RPL31: variants seen among roughly 807,000 people sequenced by gnomAD.
RPL31 encodes the protein ribosomal protein L31, also known as large ribosomal subunit protein eL31.
For synonymous variants in RPL31, 51 were observed against 55.0 expected (o/e 0.93, Z 0.32); for missense variants, 95 against 164.0 (o/e 0.58, Z 2.30).
downstream of RPL31, chr2:101,008,063 C>CA: frequency 1.2e-6 from 2 of 1,613,890 alleles, no homozygotes; most frequent in Non-Finnish European, 8.5e-7. Context: ...CCAGTGTCTG[C>CA]AAAAACCGAG....
At chr2:101,010,034 G>GACCAA (rs1367299174), downstream of RPL31, among the ~76,000 whole-genome samples, 1 of 151,708 alleles carries the variant, frequency 6.6e-6, no homozygotes, top group Non-Finnish European at 1.5e-5. Context: ...CACCATGTTA[G>GACCAA]CCAGGATGGT....
chr2:101,008,015 C>G, downstream of RPL31: 5 of 1,613,998 alleles, frequency 3.1e-6, no homozygotes, highest in Non-Finnish European at 4.2e-6. Flanking sequence ...TCCCTTTCTG[C>G]CGCCTCTGGA....
chr2:101,015,149 T>C (rs1162131701), intron 4 of RPL31, among the ~76,000 whole-genome samples: 7 of 152,216 alleles, frequency 4.6e-5, no homozygotes, highest in Admixed American at 6.5e-5. Context: ...AGCATGTTAC[T>C]GTCCTGAATA....
At chr2:101,007,530 A>C, downstream of RPL31, 1 of 380,016 alleles carries the variant, frequency 2.6e-6, no homozygotes, top group Non-Finnish European at 4.8e-6. Context: ...TTCATCTGAG[A>C]GCAAAATCAA....
At chr2:101,013,626 T>A (rs1679398874) in intron 4 of RPL31, among the ~76,000 whole-genome samples, 1 of 152,252 alleles carries the variant, frequency 6.6e-6, no homozygotes, top group Admixed American at 6.5e-5. Flanking sequence ...AGGTCTCTCC[T>A]TTATAGCCTT....
chr2:101,016,080 A>C (rs945876604), intron 4 of RPL31, among the ~76,000 whole-genome samples: 4 of 152,074 alleles, frequency 2.6e-5, no homozygotes, highest in African/African-American at 7.2e-5. Context: ...AATGGGATCT[A>C]ATTAAACTAA....
At chr2:101,011,366 CAAG>C (rs1679196529), downstream of RPL31, 3 of 1,321,942 alleles carry the variant, frequency 2.3e-6, no homozygotes, top group Admixed American at 5.2e-5. Flanking sequence ...AAGGCTGCTA[CAAG>C]AAGAGGGATG....
At chr2:101,005,899 T>G in intron 3 of RPL31, 60 bp from the exon 4 acceptor site, 1 of 1,390,636 alleles carries the variant, frequency 7.2e-7, no homozygotes, top group Non-Finnish European at 1.0e-6. Context: ...TGAATACAGC[T>G]AGTGGCTGCT....
chr2:101,015,375 G>T (rs1679547828), intron 4 of RPL31, among the ~76,000 whole-genome samples: 1 of 152,184 alleles, frequency 6.6e-6, no homozygotes, highest in East Asian at 1.9e-4. Context: ...CACTGCCATA[G>T]ACTTTATAAA....
chr2:101,004,580 A>G, intron 3 of RPL31: 1 of 412,916 alleles, frequency 2.4e-6, no homozygotes, highest in Non-Finnish European at 4.3e-6. Flanking sequence ...GTAAAGTGGA[A>G]TAAATCACTG....
downstream of RPL31, among the ~76,000 whole-genome samples, chr2:101,009,861 G>A (rs13013976): frequency 6.8e-6 from 1 of 146,664 alleles, no homozygotes; most frequent in East Asian, 2.0e-4. Flanking sequence ...TCGCTCTGTC[G>A]CCCAGGCTGG....
At chr2:101,012,052 T>C (rs1679256650), downstream of RPL31, among the ~76,000 whole-genome samples, 1 of 152,234 alleles carries the variant, frequency 6.6e-6, no homozygotes, top group African/African-American at 2.4e-5. Flanking sequence ...AGCATCTTAG[T>C]ATTAGGAGTG....
intron 4 of RPL31, among the ~76,000 whole-genome samples, chr2:101,013,894 C>G (rs1679421367): frequency 6.6e-6 from 1 of 152,238 alleles, no homozygotes; most frequent in South Asian, 2.1e-4. Context: ...TAGGGCCTTC[C>G]TCTCATCCCT....
chr2:101,018,923 C>G, intron 4 of RPL31: 1 of 1,563,650 alleles, frequency 6.4e-7, no homozygotes. Context: ...TGTTGATGTC[C>G]TAATCTTCTG....
At chr2:101,011,581 G>A, downstream of RPL31, 2 of 1,605,740 alleles carry the variant, frequency 1.2e-6, no homozygotes, top group Non-Finnish European at 1.7e-6. Context: ...CAAATTTTCT[G>A]CCTTACCAAA....
At chr2:101,018,403 T>C (rs989759241) in intron 4 of RPL31, 2 of 157,154 alleles carry the variant, frequency 1.3e-5, no homozygotes, top group South Asian at 1.9e-4. Context: ...CAACTGCAAA[T>C]TGGAATTATT....
chr2:101,013,440 G>A (rs189356133), intron 4 of RPL31, among the ~76,000 whole-genome samples: 16 of 152,276 alleles, frequency 1.1e-4, no homozygotes, highest in East Asian at 5.8e-4. Context: ...TAATTCAAGC[G>A]TCTAAATGGA....
At chr2:101,008,136 G>A (rs1368987690), downstream of RPL31, 1 of 1,613,898 alleles carries the variant, frequency 6.2e-7, no homozygotes, top group Non-Finnish European at 8.5e-7. Context: ...AGCTTCCAGA[G>A]CTGCTGCCTC....
At position 101,016,438 on chromosome 2, in the gene RPL31, G is replaced by A. The variant is rs1573867477; in HGVS notation, c.347-2560G>A. Among the ~76,000 whole-genome samples the A allele has an allele frequency of 2.0e-5, 3 of 152,090 alleles. No individual in the cohort carries two copies. In the East Asian group the frequency reaches 5.8e-4, roughly 29 times the overall value. On this transcript the variant is annotated intron_variant, in intron 4 of 4. Transcript: ENST00000409028. ...GTCAGGAAACAACAGGTGCTGGAGAGGATGTGGAGAAAAAGGAACACTTTT... is the reference window on the plus strand; with the variant it reads ...GTCAGGAAACAACAGGTGCTGGAGAAGATGTGGAGAAAAAGGAACACTTTT...
Sources: allele counts gnomAD v4.1 joint callset (sites outside exome capture counted in the v4.1 genomes callset), GRCh38; gene constraint gnomAD v4.1.1; transcripts MANE v1.5; gene names NCBI Gene and HGNC (gene_info 2026-07-23, HGNC 2026-07-21).